Variants in DST observed in about 807,000 individuals in gnomAD.
The protein encoded by DST is dystonin.
A neutral mutation model predicts 875.2 loss-of-function variants in DST; 253 were observed. The ratio of observed to expected loss-of-function variants is 0.29; its 90% CI spans 0.26 to 0.32. The LOEUF (loss-of-function observed/expected upper bound fraction) is 0.32. DST is among the 10% of genes least tolerant of loss of function. The pLI, the probability that DST is intolerant of heterozygous loss-of-function variation, is 1.00. For missense variants in DST, 8,287 were observed against 9,111.6 expected, an observed-to-expected ratio of 0.91 and a Z score of 3.68; for synonymous variants, 3,124 against 3,197.1, an observed-to-expected ratio of 0.98 and a Z score of 0.77.
Position 56,607,334 on chromosome 6 carries a change from A to G in DST, c.7294T>C (p.Ser2432Pro). Residue 2432 changes from serine to proline, a missense_variant, in exon 40 of 104, where the codon TCC becomes CCC. Ser to Pro is a moderately conservative substitution (Grantham distance 74). Around this residue, in one of 10 missense-constraint regions of DST, gnomAD observed 3,138 missense variants for 3,116.6 expected, o/e 1.01. Transcript: ENST00000680361. ...CTTAACAAGGCACTTAGCCTGGGGG[A>G]ATAGTCAAAGATAGGTGAATCCCTG... is the stretch of plus-strand genomic sequence containing the variant. ...TNRDSPIFDYSPRLSALLSHD... is the reference protein window; with the variant it reads ...TNRDSPIFDYPPRLSALLSHD... The G allele has an allele frequency of 6.2e-7, 1 of 1,613,370 alleles. No individual in the cohort carries two copies. Among genetic ancestry groups the G allele is most frequent in the South Asian group, 1.1e-5 (1 of 91,066 alleles).
intron 97 of DST, among the ~76,000 whole-genome samples, chr6:56,469,612 A>C (rs2094779960): frequency 6.6e-6 from 1 of 152,156 alleles, no homozygotes; most frequent in South Asian, 2.1e-4. Context: ...GAAGCAACCT[A>C]AATATATGAG....
At position 56,880,948 on chromosome 6, in the gene DST, T is replaced by C. The variant is rs147438785; in HGVS notation, c.417+19473A>G. On this transcript the variant is annotated intron_variant, in intron 3 of 103. Coordinates refer to ENST00000680361, the MANE Select transcript of DST (RefSeq NM_001374736.1). ...CTGAAAGCTCCGCCTCCTGGGTTCATGCCATTCTCCTGGCTTAGCCTCCCG... is the reference window on the plus strand; with the variant it reads ...CTGAAAGCTCCGCCTCCTGGGTTCACGCCATTCTCCTGGCTTAGCCTCCCG... Among the ~76,000 whole-genome samples the C allele has an allele frequency of 9.3e-3, 1,333 of 143,660 alleles. 23 individuals carry two copies. Among genetic ancestry groups the C allele is most frequent in the African/African-American group, 0.032 (1,248 of 38,834 alleles). 94.2% of individuals were successfully genotyped at this position (143,660 alleles called of 152,430 possible).
chr6:56,533,258 C>T (rs905049353), intron 63 of DST, among the ~76,000 whole-genome samples: 3 of 152,168 alleles, frequency 2.0e-5, no homozygotes, highest in Non-Finnish European at 4.4e-5. Context: ...TATAATTAGC[C>T]TTTTACCTTG....
At chr6:56,470,781 AACACACACACACACACACACACACAC>A (rs67009040) in intron 95 of DST, among the ~76,000 whole-genome samples, 3 of 141,450 alleles carry the variant, frequency 2.1e-5, no homozygotes, top group Admixed American at 7.2e-5. Flanking sequence ...TATGCCAGGC[AACACACACACACACACACACACACAC>A]ACACACACAC....
intron 3 of DST, chr6:56,871,132 A>G (rs1776896702): frequency 1.6e-6 from 1 of 616,804 alleles, no homozygotes; most frequent in African/African-American, 1.8e-5. Flanking sequence ...ATATAAACAT[A>G]TGAAAAAATG....
chr6:56,809,528 A>C (rs2153033436), intron 4 of DST, among the ~76,000 whole-genome samples: 1 of 152,344 alleles, frequency 6.6e-6, no homozygotes, highest in Non-Finnish European at 1.5e-5. Context: ...TAGAAACCAA[A>C]GAAATTAGAG....
chr6:56,618,922 T>C (rs779616737), intron 36 of DST: 2 of 1,614,204 alleles, frequency 1.2e-6, no homozygotes, highest in South Asian at 1.1e-5. Context: ...GAGCTTGTTG[T>C]AGCTGAACTT....
In DST at chr6:56,470,194, T is replaced by C; in HGVS notation, c.22410A>G (p.Val7470=). The C allele has an allele frequency of 6.2e-7, 1 of 1,612,416 alleles. No homozygotes were observed. Among genetic ancestry groups the C allele is most frequent in the Non-Finnish European group, 8.5e-7 (1 of 1,179,100 alleles). The change falls in exon 96 of 104, where the codon GTA becomes GTG. Residue 7470 remains valine (V), a synonymous_variant. Coordinates refer to ENST00000680361, the MANE Select transcript of DST (RefSeq NM_001374736.1). ...GDGYIDYYEF[V]AALHPNKDAY... is the part of the protein sequence containing the mutation. ...CATCTTTATTTGGGTGAAGGGCTGC[T>C]ACAAATTCATAGTAGTCAATATATC...
In DST at chr6:56,831,674, C is replaced by T. The variant is rs924252602; in HGVS notation, c.625+19723G>A. Among the ~76,000 whole-genome samples, 31 of 152,088 alleles carry T rather than the reference C, an allele frequency of 2.0e-4. 1 individual carries two copies. The highest frequency in any genetic ancestry group is 1.4e-3 in the Admixed American group (21 of 15,258). ...CCTTCTGTAGGCCCTGATTCCTTAG[C>T]ATATTTTAATGTATAGGATCAATAA... On this transcript the variant is annotated intron_variant, in intron 4 of 103. Coordinates refer to ENST00000680361, the MANE Select transcript of DST (RefSeq NM_001374736.1).
At chr6:56,559,747 A>C (rs554029437) in intron 58 of DST, among the ~76,000 whole-genome samples, 1 of 152,218 alleles carries the variant, frequency 6.6e-6, no homozygotes, top group South Asian at 2.1e-4. Flanking sequence ...GCTTGTAAAG[A>C]AAATTCTGTA....
chr6:56,938,113 T>TCC (rs1491089048), intron 2 of DST, among the ~76,000 whole-genome samples: 1 of 23,638 alleles, frequency 4.2e-5, no homozygotes, highest in East Asian at 3.8e-3. Flanking sequence ...TCTCTCTATA[T>TCC]ATATATATAT....
intron 4 of DST, among the ~76,000 whole-genome samples, chr6:56,834,106 T>C (rs892340794): frequency 6.6e-6 from 1 of 152,138 alleles, no homozygotes; most frequent in Admixed American, 6.6e-5. Flanking sequence ...CACATGCCTG[T>C]AGTCCCAGAT....
chr6:56,741,686 G>A (rs1441153828), intron 4 of DST, among the ~76,000 whole-genome samples: 1 of 152,088 alleles, frequency 6.6e-6, no homozygotes, highest in Admixed American at 6.5e-5. Flanking sequence ...CCAATTACAA[G>A]TCTCATAATG....
intron 2 of DST, among the ~76,000 whole-genome samples, chr6:56,928,407 A>G (rs751978222): frequency 6.6e-6 from 1 of 152,160 alleles, no homozygotes; most frequent in Non-Finnish European, 1.5e-5. Flanking sequence ...ATAGAATAGA[A>G]AGGTGAGGTG....
At chr6:56,491,201 T>C (rs2095727808) in intron 85 of DST, among the ~76,000 whole-genome samples, 1 of 152,154 alleles carries the variant, frequency 6.6e-6, no homozygotes, top group South Asian at 2.1e-4. Flanking sequence ...GCTATAACAA[T>C]GCAATTTGTC....
At chr6:56,580,738 T>C (rs977846062) in intron 49 of DST, among the ~76,000 whole-genome samples, 1 of 147,828 alleles carries the variant, frequency 6.8e-6, no homozygotes, top group Non-Finnish European at 1.5e-5. Context: ...TTTTTTTTTT[T>C]TTTTTGGTTG....
intron 9 of DST, chr6:56,692,302 C>T: frequency 5.5e-6 from 4 of 723,874 alleles, no homozygotes; most frequent in Non-Finnish European, 7.7e-6. Flanking sequence ...ATGAAAATAA[C>T]TTTATAAAAG....
intron 55 of DST, among the ~76,000 whole-genome samples, chr6:56,565,125 C>CTTTTTTTTTTTTT (rs540989404): frequency 4.1e-5 from 5 of 122,794 alleles, no homozygotes; most frequent in African/African-American, 1.2e-4. Context: ...TTTTTTTTTT[C>CTTTTTTTTTTTTT]TTTTTTTTTT....
intron 2 of DST, among the ~76,000 whole-genome samples, chr6:56,917,962 T>C (rs908322627): frequency 6.6e-6 from 1 of 152,218 alleles, no homozygotes; most frequent in African/African-American, 2.4e-5. Flanking sequence ...TGTCCCTGTT[T>C]TGAATCTTCA....
Sources: gnomAD v4.1 joint callset for allele counts (sites outside exome capture counted in the v4.1 genomes callset) on GRCh38, gnomAD v4.1.1 for gene constraint, gnomAD v4.1.1 regional missense constraint, MANE v1.5 for transcripts, NCBI Gene and HGNC (gene_info 2026-07-23, HGNC 2026-07-21) for gene names.